Variants in RSRC1 observed in about 807,000 individuals in gnomAD.
RSRC1 encodes arginine and serine rich coiled-coil 1, also known as serine/Arginine-related protein 53.
A neutral mutation model predicts 49.1 loss-of-function variants in RSRC1; 39 were observed. The ratio of observed to expected loss-of-function variants is 0.79; its 90% confidence interval spans 0.61 to 1.04. The LOEUF is 1.04. Ranked by LOEUF, RSRC1 falls within the 50% of genes least tolerant of loss-of-function variation. RSRC1 has a pLI of 0.00. For synonymous variants in RSRC1, 143 were observed against 130.8 expected (o/e 1.09, Z -0.63); for missense variants, 388 against 402.4 (o/e 0.96, Z 0.31).
At chr3:158,119,203 C>T (rs1423364644) in intron 1 of RSRC1, among the ~76,000 whole-genome samples, 1 of 152,056 alleles carries the variant, frequency 6.6e-6, no homozygotes, top group South Asian at 2.1e-4. Context: ...CCTCATTGTG[C>T]CTGCTCTGGT....
rs561177663 is a variant in RSRC1, at chr3:158,440,450, G to T, written c.584-20485G>T. 3.3e-5 allele frequency among the ~76,000 whole-genome samples: 5 copies of T among 152,146 alleles called. No homozygotes were observed. The East Asian group carries it at 7.7e-4, about 24-fold the overall frequency. On this transcript the variant is annotated intron_variant, in intron 6 of 9. Coordinates refer to ENST00000611884, the MANE Select transcript of RSRC1 (RefSeq NM_001271838.2). ...GTTTTCAGTCTCCAGGGGATCTTTG[G>T]ACAAGATAAAGAAGTAGTTCAGGCA...
chr3:158,392,753 C>T (rs548962293), intron 6 of RSRC1, among the ~76,000 whole-genome samples: 4 of 152,118 alleles, frequency 2.6e-5, no homozygotes, highest in East Asian at 1.9e-4. Flanking sequence ...CCTTGCTTGA[C>T]GTTACTGGAC....
At chr3:158,144,942 A>C (rs1716988813) in intron 3 of RSRC1, among the ~76,000 whole-genome samples, 1 of 152,172 alleles carries the variant, frequency 6.6e-6, no homozygotes, top group Non-Finnish European at 1.5e-5. Context: ...TCTTTTGAGA[A>C]GTGTCTGTTC....
chr3:158,255,333 A>T (rs1442358760), intron 4 of RSRC1, among the ~76,000 whole-genome samples: 1 of 152,096 alleles, frequency 6.6e-6, no homozygotes, highest in East Asian at 1.9e-4. Flanking sequence ...TCCTTTCCCC[A>T]TTGCTTGTTT....
chr3:158,150,781 T>G (rs1425091934), intron 3 of RSRC1, among the ~76,000 whole-genome samples: 2 of 152,178 alleles, frequency 1.3e-5, no homozygotes, highest in African/African-American at 4.8e-5. Context: ...AGTTTTTCTT[T>G]TGTTTGGGAG....
chr3:158,266,620 T>C (rs2108046197), intron 4 of RSRC1, among the ~76,000 whole-genome samples: 1 of 152,348 alleles, frequency 6.6e-6, no homozygotes, highest in South Asian at 2.1e-4. Context: ...GTTTTATTTT[T>C]AGTTGTTCCT....
chr3:158,214,422 G>T (rs960342954), intron 4 of RSRC1, among the ~76,000 whole-genome samples: 3 of 151,372 alleles, frequency 2.0e-5, no homozygotes, highest in Non-Finnish European at 4.4e-5. Flanking sequence ...GTTTTTCTTT[G>T]TTCAATTTTA....
chr3:158,217,656 T>G (rs1722019520), intron 4 of RSRC1, among the ~76,000 whole-genome samples: 1 of 151,398 alleles, frequency 6.6e-6, no homozygotes, highest in Admixed American at 6.6e-5. Flanking sequence ...TTGTCATTTA[T>G]TCATCAAATG....
chr3:158,202,022 T>G (rs1343133334), intron 3 of RSRC1, among the ~76,000 whole-genome samples: 1 of 152,102 alleles, frequency 6.6e-6, no homozygotes, highest in Non-Finnish European at 1.5e-5. Context: ...CAATTCTGTT[T>G]TGTTTGTTTT....
chr3:158,356,508 C>T (rs1298426549), intron 6 of RSRC1, among the ~76,000 whole-genome samples: 1 of 151,868 alleles, frequency 6.6e-6, no homozygotes, highest in African/African-American at 2.4e-5. Flanking sequence ...TATACTCCTC[C>T]TTATTACTCT....
At chr3:158,136,758 G>A (rs1716401705) in intron 3 of RSRC1, 1 of 152,162 alleles carries the variant, frequency 6.6e-6, no homozygotes. Context: ...TTCAATGGGT[G>A]TGGAGATCAT....
chr3:158,196,308 T>G (rs1720610897), intron 3 of RSRC1, among the ~76,000 whole-genome samples: 1 of 152,134 alleles, frequency 6.6e-6, no homozygotes, highest in African/African-American at 2.4e-5. Flanking sequence ...GTTTGTCTGT[T>G]ATTGGTGTAT....
chr3:158,236,633 C>G (rs771751295), intron 4 of RSRC1, among the ~76,000 whole-genome samples: 5 of 152,130 alleles, frequency 3.3e-5, no homozygotes, highest in Non-Finnish European at 5.9e-5. Flanking sequence ...CATGCTGTTG[C>G]ATGTATTGGT....
chr3:158,231,019 C>G (rs1722914706), intron 4 of RSRC1, among the ~76,000 whole-genome samples: 1 of 151,964 alleles, frequency 6.6e-6, no homozygotes, highest in African/African-American at 2.4e-5. Flanking sequence ...AAATTCCAGT[C>G]TCCTTTAGAA....
At chr3:158,485,205 C>T (rs1738770576) in intron 7 of RSRC1, among the ~76,000 whole-genome samples, 1 of 151,892 alleles carries the variant, frequency 6.6e-6, no homozygotes, top group South Asian at 2.1e-4. Flanking sequence ...CTAAAAAGTC[C>T]ACTTGGATGT....
chr3:158,414,802 C>G (rs538402959), intron 6 of RSRC1, among the ~76,000 whole-genome samples: 2 of 152,098 alleles, frequency 1.3e-5, no homozygotes, highest in Admixed American at 6.6e-5. Context: ...ACAATTAATT[C>G]TTACATTTAA....
intron 1 of RSRC1, among the ~76,000 whole-genome samples, chr3:158,118,417 G>C (rs1351490695): frequency 1.4e-5 from 1 of 70,084 alleles, no homozygotes; most frequent in Non-Finnish European, 2.9e-5. Flanking sequence ...GGCCTTCTGT[G>C]TGTGTGTGTG....
chr3:158,210,984 A>G (rs1455788620), intron 4 of RSRC1, among the ~76,000 whole-genome samples: 1 of 152,076 alleles, frequency 6.6e-6, no homozygotes, highest in Non-Finnish European at 1.5e-5. Context: ...CTTTAGAATG[A>G]GAGAAGGTAC....
At chr3:158,312,702 GCCTTGGTTCTCATC>G (rs1728200140) in intron 5 of RSRC1, among the ~76,000 whole-genome samples, 1 of 152,146 alleles carries the variant, frequency 6.6e-6, no homozygotes, top group Non-Finnish European at 1.5e-5. Context: ...TTGAGTGTCA[GCCTTGGTTCTCATC>G]CCTAATCTCC....
Sources: allele counts gnomAD v4.1 joint callset (sites outside exome capture counted in the v4.1 genomes callset), GRCh38; gene constraint gnomAD v4.1.1; transcripts MANE v1.5; gene names NCBI Gene and HGNC (gene_info 2026-07-23, HGNC 2026-07-21).